The following LAMA2 variants were observed in gnomAD, a reference collection of about 807,000 sequenced individuals.
LAMA2 encodes laminin subunit alpha 2.
Under a neutral mutation model 364.8 loss-of-function variants are expected in LAMA2, and 269 were observed. That is an observed-to-expected ratio of 0.74 (90% CI 0.67 to 0.82). The LOEUF is 0.82. Ranked by LOEUF, LAMA2 falls within the 40% of genes least tolerant of loss-of-function variation. The probability of loss-of-function intolerance (pLI) is 0.00; values close to 1 mark genes in which losing one functional copy is unlikely to be tolerated. For synonymous variants in LAMA2, 1,379 were observed against 1,370.6 expected (o/e 1.01, Z -0.14); for missense variants, 3,807 against 3,873.2 (o/e 0.98, Z 0.45).
intron 58 of LAMA2, among the ~76,000 whole-genome samples, chr6:129,501,544 C>G (rs1283926203): frequency 6.6e-6 from 1 of 152,188 alleles, no homozygotes. Context: ...TTCCTGTGTG[C>G]TGATGAGTCA....
chr6:128,984,621 A>G (rs1189945293), intron 1 of LAMA2, among the ~76,000 whole-genome samples: 2 of 151,574 alleles, frequency 1.3e-5, no homozygotes, highest in African/African-American at 4.8e-5. Context: ...TATGGAAGAA[A>G]CAAGGTTCTT....
chr6:129,197,086 C>A (rs965419485), intron 12 of LAMA2, among the ~76,000 whole-genome samples: 1 of 152,094 alleles, frequency 6.6e-6, no homozygotes, highest in African/African-American at 2.4e-5. Flanking sequence ...AACAAGATAC[C>A]AAATTCTAAC....
intron 22 of LAMA2, among the ~76,000 whole-genome samples, chr6:129,307,273 C>G (rs921838929): frequency 2.6e-5 from 4 of 152,134 alleles, no homozygotes; most frequent in Admixed American, 2.0e-4. Flanking sequence ...ATGGCTTATT[C>G]CAAGCTTTCT....
chr6:129,417,959 T>A (rs970172632), intron 40 of LAMA2, among the ~76,000 whole-genome samples: 2 of 152,030 alleles, frequency 1.3e-5, no homozygotes, highest in Non-Finnish European at 2.9e-5. Flanking sequence ...GATGCCTGGG[T>A]CCACAGCTGG....
At chr6:129,212,028 T>TA (rs1262466342) in intron 12 of LAMA2, among the ~76,000 whole-genome samples, 2 of 152,228 alleles carry the variant, frequency 1.3e-5, no homozygotes, top group Non-Finnish European at 2.9e-5. Context: ...TCCTAAATTT[T>TA]AAAAAATTTG....
At chr6:129,145,397 A>G (rs1778375433) in intron 5 of LAMA2, among the ~76,000 whole-genome samples, 1 of 151,986 alleles carries the variant, frequency 6.6e-6, no homozygotes, top group South Asian at 2.1e-4. Flanking sequence ...ACCTCAACAT[A>G]TTGTAAATTG....
intron 51 of LAMA2, among the ~76,000 whole-genome samples, chr6:129,465,682 C>G (rs535731955): frequency 6.6e-5 from 10 of 151,846 alleles, no homozygotes; most frequent in Admixed American, 6.6e-5. Flanking sequence ...CAGTTCTTTG[C>G]TCATTTAAAT....
At chr6:129,333,472 A>T (rs1253996692) in intron 29 of LAMA2, among the ~76,000 whole-genome samples, 1 of 152,172 alleles carries the variant, frequency 6.6e-6, no homozygotes. Context: ...TAAATTACTC[A>T]TATGCTTAAT....
intron 27 of LAMA2, among the ~76,000 whole-genome samples, chr6:129,317,607 A>T (rs560417218): frequency 1.8e-4 from 27 of 149,032 alleles, no homozygotes; most frequent in African/African-American, 6.5e-4. Context: ...TAATAAAAAA[A>T]ATATACTTAA....
chr6:129,271,094 A>G (rs187275142), intron 17 of LAMA2, among the ~76,000 whole-genome samples: 53 of 152,244 alleles, frequency 3.5e-4, no homozygotes, highest in African/African-American at 9.6e-4. Flanking sequence ...ACCCATCTTC[A>G]TACCTTAATA....
chr6:129,046,460 AT>A (rs1330984291), intron 1 of LAMA2, among the ~76,000 whole-genome samples: 1 of 152,174 alleles, frequency 6.6e-6, no homozygotes, highest in Non-Finnish European at 1.5e-5. Flanking sequence ...ACTTTATAAA[AT>A]CGCCAGATAT....
intron 1 of LAMA2, among the ~76,000 whole-genome samples, chr6:129,016,356 G>A (rs1260638916): frequency 6.6e-6 from 1 of 151,984 alleles, no homozygotes; most frequent in Non-Finnish European, 1.5e-5. Flanking sequence ...AGAAATAGGT[G>A]CACATGTGTA....
At chr6:129,093,661 G>A (rs1774986962) in intron 3 of LAMA2, among the ~76,000 whole-genome samples, 1 of 152,100 alleles carries the variant, frequency 6.6e-6, no homozygotes, top group African/African-American at 2.4e-5. Context: ...TATTATAGGA[G>A]GAACATCTAA....
intron 36 of LAMA2, among the ~76,000 whole-genome samples, chr6:129,392,765 A>G (rs944427245): frequency 1.3e-5 from 2 of 152,190 alleles, no homozygotes; most frequent in African/African-American, 2.4e-5. Context: ...AACTCATTTC[A>G]TCAATCAGAT....
chr6:129,478,395 A>G lies in LAMA2; in HGVS notation c.7452-298A>G, dbSNP rs2571580. On this transcript the variant is annotated intron_variant, in intron 53 of 64. Transcript: ENST00000421865. ...AAATAAAACTTATTTCATTACACAT[A>G]TAAAGCATCAATAAGAAGTCAGTTA... 0.66 allele frequency among the ~76,000 whole-genome samples: 100,201 copies of G among 151,942 alleles called. 33,521 individuals are homozygous for G. Among genetic ancestry groups the G allele is most frequent in the Non-Finnish European group, 0.72 (48,794 of 67,982 alleles).
chr6:128,916,539 A>C (rs184843797), intron 1 of LAMA2, among the ~76,000 whole-genome samples: 1 of 152,362 alleles, frequency 6.6e-6, no homozygotes, highest in Non-Finnish European at 1.5e-5. Flanking sequence ...CTGCTTCAGT[A>C]AAGTAACTGG....
chr6:129,414,497 C>T (rs9385490), intron 40 of LAMA2, among the ~76,000 whole-genome samples: 75,950 of 151,652 alleles, frequency 0.5, 19,460 homozygotes, highest in African/African-American at 0.62. Flanking sequence ...TTGCCAGATA[C>T]AGATGATGGG....
intron 32 of LAMA2, among the ~76,000 whole-genome samples, chr6:129,363,775 A>C (rs1272954749): frequency 6.6e-6 from 1 of 152,202 alleles, no homozygotes; most frequent in Non-Finnish European, 1.5e-5. Flanking sequence ...GGTGGTTCTG[A>C]GGCCCACTAA....
At chr6:129,275,243 GT>G (rs1788221679) in intron 17 of LAMA2, among the ~76,000 whole-genome samples, 1 of 151,978 alleles carries the variant, frequency 6.6e-6, no homozygotes, top group South Asian at 2.1e-4. Flanking sequence ...TGCTCTAGAT[GT>G]TTTAGTGCTC....
Sources: allele counts gnomAD v4.1 joint callset (sites outside exome capture counted in the v4.1 genomes callset), GRCh38; gene constraint gnomAD v4.1.1; transcripts MANE v1.5; gene names NCBI Gene and HGNC (gene_info 2026-07-23, HGNC 2026-07-21).